AGPAT3: variants seen among roughly 807,000 people sequenced by gnomAD.
The protein encoded by AGPAT3 is 1-acylglycerol-3-phosphate O-acyltransferase 3.
In AGPAT3, 5 loss-of-function variants were observed where a neutral mutation model predicts 47.3. The observed-to-expected ratio is 0.11, with a 90% CI of 0.06 to 0.22. The LOEUF (loss-of-function observed/expected upper bound fraction) is 0.22, where lower values mean the gene tolerates loss of function less well. Ranked by LOEUF, AGPAT3 falls within the 10% of genes least tolerant of loss-of-function variation. AGPAT3 has a pLI of 1.00. For synonymous variants in AGPAT3, 212 were observed against 208.3 expected, an observed-to-expected ratio of 1.02 and a Z score of -0.15; for missense variants, 315 against 493.0, an observed-to-expected ratio of 0.64 and a Z score of 3.42.
intron 3 of AGPAT3, among the ~76,000 whole-genome samples, chr21:43,961,807 A>G (rs2146656179): frequency 6.6e-6 from 1 of 152,282 alleles, no homozygotes; most frequent in Admixed American, 6.5e-5. Context: ...CTCATATGGG[A>G]AATGGCTGGC....
chr21:43,933,988 C>G lies in AGPAT3; in HGVS notation c.-48-25646C>G, dbSNP rs557007026. Among the ~76,000 whole-genome samples the G allele has an allele frequency of 3.3e-5, 5 of 152,346 alleles. No homozygotes were observed. The East Asian group carries it at 9.6e-4, about 29-fold the overall frequency. On this transcript the variant is annotated intron_variant, in intron 2 of 9. Transcript: ENST00000291572. This position sits in a 1 kb window ranked among gnomAD's most constrained non-coding sequence, Gnocchi z 6.0. ...GCTGTCACTGTGTGGACTGGCCACACCTGGTGTGCCGCTTCCTTTCTCAGT... is the reference window on the plus strand; with the variant it reads ...GCTGTCACTGTGTGGACTGGCCACAGCTGGTGTGCCGCTTCCTTTCTCAGT...
intron 3 of AGPAT3, chr21:43,966,718 G>T (rs1380866571): frequency 6.6e-6 from 1 of 152,224 alleles, no homozygotes; most frequent in African/African-American, 2.4e-5. Context: ...TTGGTCTCTA[G>T]TGTCCTTTAT....
At chr21:43,893,815 G>A (rs1185733563) in intron 1 of AGPAT3, among the ~76,000 whole-genome samples, 3 of 152,122 alleles carry the variant, frequency 2.0e-5, no homozygotes, top group East Asian at 3.9e-4. Context: ...ATGGGGGCCC[G>A]GTTCACAGCA....
intron 2 of AGPAT3, among the ~76,000 whole-genome samples, chr21:43,909,521 C>A (rs1011968273): frequency 1.3e-5 from 2 of 152,224 alleles, no homozygotes; most frequent in Non-Finnish European, 2.9e-5. Flanking sequence ...TGGTCTCGAT[C>A]TCCTGACCTC....
chr21:43,917,876 G>GAGTTGT (rs2086775217), intron 2 of AGPAT3, among the ~76,000 whole-genome samples: 1 of 134,062 alleles, frequency 7.5e-6, no homozygotes, highest in African/African-American at 3.0e-5. Context: ...AGTGTTGTGG[G>GAGTTGT]GGTTGTGGGG....
intron 2 of AGPAT3, among the ~76,000 whole-genome samples, chr21:43,956,395 G>T (rs368761430): frequency 6.6e-6 from 1 of 152,128 alleles, no homozygotes; most frequent in Non-Finnish European, 1.5e-5. Context: ...GCCTCTCTGT[G>T]CTTCTGTTTG....
intron 2 of AGPAT3, among the ~76,000 whole-genome samples, chr21:43,958,809 G>A (rs2088631592): frequency 6.7e-6 from 1 of 148,270 alleles, no homozygotes; most frequent in Admixed American, 6.7e-5. Flanking sequence ...TGCAGTGTGT[G>A]TAGTGTGTGT....
chr21:43,866,586 C>G (rs1005658717), intron 1 of AGPAT3: 1 of 152,270 alleles, frequency 6.6e-6, no homozygotes, highest in African/African-American at 2.4e-5. Context: ...CCCCCTCCCT[C>G]TTTCCAACCA....
intron 2 of AGPAT3, among the ~76,000 whole-genome samples, chr21:43,923,628 T>A (rs1336543223): frequency 1.3e-5 from 2 of 152,160 alleles, no homozygotes; most frequent in Non-Finnish European, 2.9e-5. Context: ...GCCCTCGAGT[T>A]TGAACATTTG....
At chr21:43,890,710 G>A (rs2145926099) in intron 1 of AGPAT3, among the ~76,000 whole-genome samples, 1 of 80,444 alleles carries the variant, frequency 1.2e-5, no homozygotes, top group South Asian at 6.2e-4. Flanking sequence ...ACTGTGCCCA[G>A]CCAGGTTTTT....
chr21:43,957,759 C>CGGGGGTCTCGGGTTTCCCCCTGCACAT (rs2088559044), intron 2 of AGPAT3, among the ~76,000 whole-genome samples: 1 of 149,922 alleles, frequency 6.7e-6, no homozygotes, highest in South Asian at 2.1e-4. Context: ...CCCCTCCACA[C>CGGGGGTCTCGGGTTTCCCCCTGCACAT]GGGGGTCTCG....
rs1031364771 is a variant in AGPAT3 at position 43,939,535 on chromosome 21, G to C, written c.-48-20099G>C. ...TCCAGCGTGGGAGCTCTGAACATGG[G>C]ACCCGGAGCACCACCGTTTAGCAAA... is the stretch of plus-strand genomic sequence containing the variant. On this transcript the variant is annotated intron_variant, in intron 2 of 9. Transcript: ENST00000291572. This position sits in a 1 kb window ranked among gnomAD's most constrained non-coding sequence, Gnocchi z 4.4. Among the ~76,000 whole-genome samples the C allele has an allele frequency of 6.6e-6, 1 of 152,308 alleles. No homozygotes were observed. The highest frequency in any genetic ancestry group is 2.4e-5 in the African/African-American group (1 of 41,568).
chr21:43,962,927 TA>T (rs2088946240), intron 3 of AGPAT3, among the ~76,000 whole-genome samples: 1 of 132,424 alleles, frequency 7.6e-6, no homozygotes, highest in African/African-American at 2.8e-5. Context: ...GAGAACCAAG[TA>T]GAACTGCTCT....
rs534221769 is a variant in AGPAT3 at position 43,943,705 on chromosome 21, G to A, written c.-48-15929G>A. Among the ~76,000 whole-genome samples, 11 of 152,300 alleles carry A rather than the reference G, an allele frequency of 7.2e-5. No individual in the cohort carries two copies. The East Asian group carries it at 2.1e-3, about 30-fold the overall frequency. On this transcript the variant is annotated intron_variant, in intron 2 of 9. Coordinates refer to ENST00000291572, the MANE Select transcript of AGPAT3 (RefSeq NM_020132.5). ...GCCTGTGTCACGGAGGAAGGGGGCTGCAGCTGCACCCCCGGGAGGGGAGGT... is the reference window on the plus strand; with the variant it reads ...GCCTGTGTCACGGAGGAAGGGGGCTACAGCTGCACCCCCGGGAGGGGAGGT...
intron 2 of AGPAT3, among the ~76,000 whole-genome samples, chr21:43,915,359 C>T (rs1275857803): frequency 1.5e-5 from 2 of 132,314 alleles, no homozygotes; most frequent in East Asian, 2.2e-4. Flanking sequence ...CCCCCCAGCC[C>T]TGTTTTCTTA....
In AGPAT3 at chr21:43,952,542, GA is replaced by G. The variant is rs1259662619; in HGVS notation, c.-48-7090del. Among the ~76,000 whole-genome samples the G allele has an allele frequency of 6.6e-6, 1 of 152,158 alleles. No homozygotes were observed. The highest frequency in any genetic ancestry group is 1.9e-4 in the East Asian group (1 of 5,164). ...CCTCACCTTTGCTCCCCTGATCTAA[GA>G]AGGTGCACACCCCGGTAGCTTGTGC... On this transcript the variant is annotated intron_variant, in intron 2 of 9. Coordinates refer to ENST00000291572, the MANE Select transcript of AGPAT3 (RefSeq NM_020132.5). The surrounding 1 kb of genome is among the most constrained non-coding windows in gnomAD (Gnocchi z 5.6).
At position 43,933,818 on chromosome 21, in the gene AGPAT3, C is replaced by T. The variant is rs1038051443; in HGVS notation, c.-48-25816C>T. 2.0e-5 allele frequency among the ~76,000 whole-genome samples: 3 copies of T among 152,044 alleles called. No individual in the cohort carries two copies. The highest frequency in any genetic ancestry group is 7.2e-5 in the African/African-American group (3 of 41,392). ...AGCACCAGCTGCAAGAGCCAGAGGACGGCACTCCCGCGCCTGCCACGAGCC... is the reference window on the plus strand; with the variant it reads ...AGCACCAGCTGCAAGAGCCAGAGGATGGCACTCCCGCGCCTGCCACGAGCC... On this transcript the variant is annotated intron_variant, in intron 2 of 9. Transcript: ENST00000291572. This position sits in a 1 kb window ranked among gnomAD's most constrained non-coding sequence, Gnocchi z 6.0.
chr21:43,978,212 T>A, intron 8 of AGPAT3, 91 bp downstream of exon 8: 1 of 1,021,722 alleles, frequency 9.8e-7, no homozygotes, highest in Non-Finnish European at 1.5e-6. Flanking sequence ...ACGTGGGAAC[T>A]CCGTGGGAGA....
At chr21:43,919,339 T>C (rs1219308299) in intron 2 of AGPAT3, among the ~76,000 whole-genome samples, 1 of 152,186 alleles carries the variant, frequency 6.6e-6, no homozygotes, top group Admixed American at 6.5e-5. Context: ...GTCCATTATA[T>C]CACTCTATGT....
Sources: gnomAD v4.1 joint callset for allele counts (sites outside exome capture counted in the v4.1 genomes callset) on GRCh38, gnomAD v4.1.1 for gene constraint, Gnocchi (gnomAD v3.1) non-coding constraint, MANE v1.5 for transcripts, NCBI Gene and HGNC (gene_info 2026-07-23, HGNC 2026-07-21) for gene names.